PRKAR1B: variants seen among roughly 807,000 people sequenced by gnomAD.
PRKAR1B encodes protein kinase cAMP-dependent type I regulatory subunit beta.
A neutral mutation model predicts 46.5 loss-of-function variants in PRKAR1B; 22 were observed. That is an observed-to-expected ratio of 0.47 (90% confidence interval 0.34 to 0.68). The LOEUF is 0.68. PRKAR1B is among the 30% of genes least tolerant of loss of function. The pLI is 0.01. For missense variants in PRKAR1B, 445 were observed against 535.6 expected, an observed-to-expected ratio of 0.83 and a Z score of 1.67; for synonymous variants, 259 against 217.7, an observed-to-expected ratio of 1.19 and a Z score of -1.67.
chr7:588,842 A>ATGGTGGTGATGGTG (rs1562542407), intron 7 of PRKAR1B, among the ~76,000 whole-genome samples: 9 of 12,498 alleles, frequency 7.2e-4, no homozygotes, highest in East Asian at 3.7e-3. Flanking sequence ...TGGTGATGGT[A>ATGGTGGTGATGGTG]ATGGTGGTGA....
intron 5 of PRKAR1B, among the ~76,000 whole-genome samples, chr7:606,700 G>A (rs548035267): frequency 1.3e-5 from 2 of 151,720 alleles, no homozygotes; most frequent in Non-Finnish European, 2.9e-5. Flanking sequence ...CACCCGCCTC[G>A]GCCTCCCAAA....
intron 8 of PRKAR1B, among the ~76,000 whole-genome samples, chr7:582,011 G>A (rs1583242051): frequency 6.6e-6 from 1 of 152,212 alleles, no homozygotes; most frequent in Admixed American, 6.5e-5. Flanking sequence ...GTACCATCAT[G>A]TCCAGCTAAT....
chr7:664,663 C>G (rs1785805150), intron 4 of PRKAR1B, among the ~76,000 whole-genome samples: 1 of 151,944 alleles, frequency 6.6e-6, no homozygotes, highest in Admixed American at 6.6e-5. Flanking sequence ...AATCCCAACA[C>G]TATGGGAGGC....
In PRKAR1B at chr7:550,272, T is replaced by G; in HGVS notation, c.*158A>C. On this transcript the variant is annotated 3_prime_UTR_variant, in exon 11 of 11. Transcript: ENST00000537384. ...TGGAAATGCACAAGGTGATCATTTA[T>G]TCCAAAAAGTGAGTCCGGGGAAGGG... 3 of 621,430 alleles carry G rather than the reference T, an allele frequency of 4.8e-6. No homozygotes were observed. The highest frequency in any genetic ancestry group is 8.6e-6 in the Non-Finnish European group (3 of 349,446). The allele number at this position is 621,430 out of a possible 1,614,324, so 38.5% of individuals were successfully genotyped here.
chr7:702,113 A>G (rs1780093784), intron 2 of PRKAR1B, among the ~76,000 whole-genome samples: 2 of 152,230 alleles, frequency 1.3e-5, no homozygotes, highest in Admixed American at 1.3e-4. Context: ...GGGAAGGTAA[A>G]TGGGCCTATG....
In PRKAR1B at chr7:714,273, G is replaced by A. The variant is rs1403080311; in HGVS notation, c.-22-2746C>T. Among the ~76,000 whole-genome samples the A allele has an allele frequency of 6.6e-6, 1 of 152,086 alleles. No individual in the cohort carries two copies. Among genetic ancestry groups the A allele is most frequent in the African/African-American group, 2.4e-5 (1 of 41,412 alleles). On this transcript the variant is annotated intron_variant, in intron 1 of 10. Coordinates refer to ENST00000537384, the MANE Select transcript of PRKAR1B (RefSeq NM_001164760.2). The surrounding 1 kb of genome is among the most constrained non-coding windows in gnomAD (Gnocchi z 4.3). ...TCCCTGTAAAGACTTCCCCCACACC[G>A]TGCCTCTAGAGGAGAGTGGAGGCAC...
intron 7 of PRKAR1B, among the ~76,000 whole-genome samples, chr7:595,758 C>A (rs1412318337): frequency 6.6e-6 from 1 of 152,258 alleles, no homozygotes; most frequent in Non-Finnish European, 1.5e-5. Flanking sequence ...TCCCCACACA[C>A]AGGAAGCCCG....
intron 4 of PRKAR1B, among the ~76,000 whole-genome samples, chr7:614,522 G>C (rs1291276906): frequency 6.6e-6 from 1 of 152,010 alleles, no homozygotes; most frequent in East Asian, 1.9e-4. Context: ...TGGGAGACCG[G>C]GCACCATAAG....
In PRKAR1B at chr7:723,804, C is replaced by T. The variant is rs1474575703; in HGVS notation, c.-23+3406G>A. Among the ~76,000 whole-genome samples the T allele has an allele frequency of 2.0e-5, 3 of 152,172 alleles. No homozygotes were observed. The East Asian group carries it at 5.8e-4, about 29-fold the overall frequency. Reference sequence around the variant, plus strand: ...TCACTCCCTGCCTGCTCCCCTGTGACCAGGGTCAGCCTCCCTCCCTGTTTG... The same window carrying T: ...TCACTCCCTGCCTGCTCCCCTGTGATCAGGGTCAGCCTCCCTCCCTGTTTG... On this transcript the variant is annotated intron_variant, in intron 1 of 10. Coordinates refer to ENST00000537384, the MANE Select transcript of PRKAR1B (RefSeq NM_001164760.2).
chr7:711,889 C>A (rs1237904654), intron 1 of PRKAR1B, among the ~76,000 whole-genome samples: 1 of 152,022 alleles, frequency 6.6e-6, no homozygotes, highest in East Asian at 1.9e-4. Flanking sequence ...TCCAGGGCCT[C>A]GTCCTCCTCC....
chr7:583,811 T>TGCACACACAC (rs1233151359), intron 8 of PRKAR1B, among the ~76,000 whole-genome samples: 12 of 140,762 alleles, frequency 8.5e-5, no homozygotes, highest in Admixed American at 2.1e-4. Flanking sequence ...TGCACACTCA[T>TGCACACACAC]GCACACACAC....
chr7:583,477 C>A (rs964991744), intron 8 of PRKAR1B, among the ~76,000 whole-genome samples: 4 of 128,750 alleles, frequency 3.1e-5, no homozygotes, highest in East Asian at 2.1e-4. Context: ...GCACTCACAC[C>A]CACGCACACA....
chr7:726,964 C>G, intron 1 of PRKAR1B: 1 of 1,316,164 alleles, frequency 7.6e-7, no homozygotes, highest in Non-Finnish European at 9.7e-7. Flanking sequence ...GCCGCGCTTG[C>G]TGCGCTGCCT....
At chr7:664,455 T>C (rs1785792445) in intron 4 of PRKAR1B, among the ~76,000 whole-genome samples, 1 of 152,098 alleles carries the variant, frequency 6.6e-6, no homozygotes, top group Non-Finnish European at 1.5e-5. Context: ...GGGCCTCGGG[T>C]CCCCATCCAC....
At chr7:598,614 T>A (rs917841351) in intron 6 of PRKAR1B, among the ~76,000 whole-genome samples, 1 of 147,616 alleles carries the variant, frequency 6.8e-6, no homozygotes, top group Non-Finnish European at 1.5e-5. Context: ...CTAAACATCA[T>A]CACCCTCCCT....
chr7:702,278 AAAAG>A (rs1780101217), intron 2 of PRKAR1B, among the ~76,000 whole-genome samples: 1 of 152,162 alleles, frequency 6.6e-6, no homozygotes, highest in African/African-American at 2.4e-5. Flanking sequence ...CAAATAATCT[AAAAG>A]AAGGAAGGAA....
chr7:692,756 C>T (rs1779506066), intron 2 of PRKAR1B, among the ~76,000 whole-genome samples: 1 of 152,086 alleles, frequency 6.6e-6, no homozygotes, highest in Non-Finnish European at 1.5e-5. Context: ...AGGAACACAG[C>T]CGGAGACCGA....
chr7:583,266 CAGA>C (rs1014548715), intron 8 of PRKAR1B, among the ~76,000 whole-genome samples: 6 of 152,112 alleles, frequency 3.9e-5, no homozygotes, highest in South Asian at 2.1e-4. Flanking sequence ...CGACATTTCA[CAGA>C]AGGATTTCAG....
rs533986766 is a variant in PRKAR1B at position 574,950 on chromosome 7, C to T, written c.891+4306G>A. Among the ~76,000 whole-genome samples, 442 of 152,340 alleles carry T rather than the reference C, an allele frequency of 2.9e-3. 2 individuals carry two copies. Among genetic ancestry groups the T allele is most frequent in the African/African-American group, 9.4e-3 (389 of 41,574 alleles). On this transcript the variant is annotated intron_variant, in intron 9 of 10. Coordinates refer to ENST00000537384, the MANE Select transcript of PRKAR1B (RefSeq NM_001164760.2). ...CCTGTCACCGCAGTCGTCCTGCTGG[C>T]GGTGGAGCGGCCGGGAGAGCCACCG...
Sources: gnomAD v4.1 joint callset for allele counts (sites outside exome capture counted in the v4.1 genomes callset) on GRCh38, gnomAD v4.1.1 for gene constraint, Gnocchi (gnomAD v3.1) non-coding constraint, MANE v1.5 for transcripts, NCBI Gene and HGNC (gene_info 2026-07-23, HGNC 2026-07-21) for gene names.